The following UGT2A2 variants were observed in gnomAD, a reference collection of about 807,000 sequenced individuals.
UGT2A2 encodes UDP-glucuronosyltransferase 2A2.
UGT2A2 carries 60 observed loss-of-function variants against 50.7 expected under a neutral mutation model. That is an observed-to-expected ratio of 1.18 (90% CI 0.96 to 1.47). UGT2A2 has a LOEUF of 1.47. Among genes scored for constraint, UGT2A2 ranks in the 40% most tolerant of loss-of-function variants. The probability of loss-of-function intolerance (pLI) is 0.00; values close to 1 mark genes in which losing one functional copy is unlikely to be tolerated. For missense variants in UGT2A2, 762 were observed against 634.0 expected (o/e 1.20, Z -2.17); for synonymous variants, 242 against 214.6 (o/e 1.13, Z -1.11).
intron 2 of UGT2A2, among the ~76,000 whole-genome samples, chr4:69,597,454 C>T (rs148540185): frequency 1.1e-3 from 169 of 152,166 alleles, no homozygotes; most frequent in African/African-American, 4.0e-3. Context: ...GAGATTAAGG[C>T]CTTTCACATC....
chr4:69,592,791 C>A (rs1474610679), intron 5 of UGT2A2, among the ~76,000 whole-genome samples: 5 of 151,640 alleles, frequency 3.3e-5, no homozygotes, highest in Admixed American at 3.3e-4. Flanking sequence ...AAATAAAAGG[C>A]ATTCAAAGAA....
At chr4:69,629,015 T>A (rs188122180) in intron 1 of UGT2A2, among the ~76,000 whole-genome samples, 270 of 151,512 alleles carry the variant, frequency 1.8e-3, no homozygotes, top group African/African-American at 6.3e-3. Context: ...AGGTGATACA[T>A]GGTTATACTC....
intron 1 of UGT2A2, among the ~76,000 whole-genome samples, chr4:69,620,079 A>G (rs957639017): frequency 6.6e-6 from 1 of 152,068 alleles, no homozygotes; most frequent in African/African-American, 2.4e-5. Flanking sequence ...TGGCAAAGAC[A>G]AGTATGCCCT....
rs559611402 is a variant in UGT2A2 at position 69,589,191 on chromosome 4, T to C, written c.*181A>G. The C allele has an allele frequency of 1.0e-4, 79 of 764,552 alleles. No homozygotes were observed. In the African/African-American group the frequency reaches 1.3e-3, roughly 13 times the overall value. The allele number at this position is 764,552 out of a possible 1,614,324, so 47.4% of individuals were successfully genotyped here. Reference sequence around the variant, plus strand: ...TAGAAGACTATAACTCACAAGTTAATAATAATCATGCCAAAATCTAGGCTT... The same window carrying C: ...TAGAAGACTATAACTCACAAGTTAACAATAATCATGCCAAAATCTAGGCTT... On this transcript the variant is annotated 3_prime_UTR_variant, in exon 6 of 6. Transcript: ENST00000604629.
chr4:69,617,258 A>G (rs1447150854), intron 1 of UGT2A2, among the ~76,000 whole-genome samples: 1 of 151,922 alleles, frequency 6.6e-6, no homozygotes. Context: ...TTCTTCAAGC[A>G]GTTTATCAAG....
chr4:69,625,581 T>C (rs1008849731), intron 1 of UGT2A2, among the ~76,000 whole-genome samples: 1 of 151,434 alleles, frequency 6.6e-6, no homozygotes, highest in Non-Finnish European at 1.5e-5. Flanking sequence ...ATTGTGTGTT[T>C]CATCTCTGGT....
chr4:69,593,967 C>CTGT (rs1718742313), intron 5 of UGT2A2, among the ~76,000 whole-genome samples: 1 of 107,818 alleles, frequency 9.3e-6, no homozygotes, highest in African/African-American at 3.5e-5. Flanking sequence ...TATTTGAAGT[C>CTGT]TTTTTTTTTG....
At chr4:69,613,618 T>C (rs1720197527) in intron 1 of UGT2A2, among the ~76,000 whole-genome samples, 1 of 152,014 alleles carries the variant, frequency 6.6e-6, no homozygotes, top group Admixed American at 6.6e-5. Context: ...ATTAAAAAGA[T>C]CATTCATCAT....
intron 1 of UGT2A2, among the ~76,000 whole-genome samples, chr4:69,622,709 G>A (rs1035272993): frequency 2.6e-5 from 4 of 151,694 alleles, no homozygotes; most frequent in African/African-American, 9.7e-5. Context: ...TTCTATACTT[G>A]ATGTCTAGGC....
At chr4:69,616,547 A>G (rs1463159075) in intron 1 of UGT2A2, among the ~76,000 whole-genome samples, 1 of 151,996 alleles carries the variant, frequency 6.6e-6, no homozygotes, top group East Asian at 1.9e-4. Flanking sequence ...TTAAACAATT[A>G]TAACATGTAC....
intron 1 of UGT2A2, among the ~76,000 whole-genome samples, chr4:69,629,913 G>A (rs1383031997): frequency 6.6e-6 from 1 of 151,854 alleles, no homozygotes; most frequent in Non-Finnish European, 1.5e-5. Flanking sequence ...GAATATTTTG[G>A]TAAAACAAAA....
At chr4:69,631,816 C>G (rs1057110757) in intron 1 of UGT2A2, among the ~76,000 whole-genome samples, 1 of 152,088 alleles carries the variant, frequency 6.6e-6, no homozygotes, top group Non-Finnish European at 1.5e-5. Context: ...TTAATGAAAT[C>G]ACAATTGAGC....
chr4:69,637,731 C>A (rs1249388568), intron 1 of UGT2A2, among the ~76,000 whole-genome samples: 1 of 152,086 alleles, frequency 6.6e-6, no homozygotes, highest in East Asian at 1.9e-4. Flanking sequence ...TGTCTCCTCT[C>A]ATGAGAATGT....
rs41292305 is a variant in UGT2A2, at chr4:69,589,513, G to A, written c.1470C>T (p.Leu490=). ...CCAAAGAGTGGTACTGGAACCAGGT[G>A]AGGTCATGGGCTGCAACCCGAAGGT... is the stretch of plus-strand genomic sequence containing the variant. The part of the protein sequence containing the change: ...AKHLRVAAHD[L]TWFQYHSLDV... The change falls in exon 6 of 6, where the codon CTC becomes CTT. Residue 490 remains leucine, a synonymous_variant. Coordinates refer to ENST00000604629, the MANE Select transcript of UGT2A2 (RefSeq NM_001105677.2). 55,789 of 1,614,044 alleles carry A rather than the reference G, an allele frequency of 0.035. 1,148 individuals are homozygous for A. Among genetic ancestry groups the A allele is most frequent in the Middle Eastern group, 0.048 (292 of 6,056 alleles).
At chr4:69,607,521 T>C (rs7698372) in intron 1 of UGT2A2, among the ~76,000 whole-genome samples, 20,798 of 151,352 alleles carry the variant, frequency 0.14, 1,481 homozygotes, top group Non-Finnish European at 0.17. Context: ...AAGGACTTCA[T>C]GTCTAAAACA....
At chr4:69,634,743 T>C (rs1169537745) in intron 1 of UGT2A2, among the ~76,000 whole-genome samples, 2 of 152,030 alleles carry the variant, frequency 1.3e-5, no homozygotes, top group African/African-American at 4.8e-5. Context: ...TTATTTGAAT[T>C]AAAAAGAAAA....
At chr4:69,627,623 G>C (rs28560222) in intron 1 of UGT2A2, among the ~76,000 whole-genome samples, 2,460 of 150,708 alleles carry the variant, frequency 0.016, 36 homozygotes, top group Non-Finnish European at 0.026. Context: ...AGAGAAGAAA[G>C]AAAAAAGAAA....
At chr4:69,626,922 A>G (rs565144820) in intron 1 of UGT2A2, among the ~76,000 whole-genome samples, 14 of 151,720 alleles carry the variant, frequency 9.2e-5, no homozygotes, top group Non-Finnish European at 1.6e-4. Context: ...AGCACTTTTC[A>G]CTTTTTGGTA....
intron 1 of UGT2A2, among the ~76,000 whole-genome samples, chr4:69,606,765 T>A (rs1205189853): frequency 7.3e-6 from 1 of 136,482 alleles, no homozygotes; most frequent in Admixed American, 7.2e-5. Flanking sequence ...ACAAGCATTC[T>A]TATACACCAA....
Sources: gnomAD v4.1 joint callset for allele counts (sites outside exome capture counted in the v4.1 genomes callset) on GRCh38, gnomAD v4.1.1 for gene constraint, MANE v1.5 for transcripts, NCBI Gene and HGNC (gene_info 2026-07-23, HGNC 2026-07-21) for gene names.